The following FAM13C variants were observed in gnomAD, a reference collection of about 807,000 sequenced individuals.
The protein encoded by FAM13C is protein FAM13C.
In FAM13C, 37 loss-of-function variants were observed where a neutral mutation model predicts 73.2. The ratio of observed to expected loss-of-function variants is 0.51; its 90% CI spans 0.39 to 0.67. FAM13C has a LOEUF of 0.67. Ranked by LOEUF, FAM13C falls within the 30% of genes least tolerant of loss-of-function variation. FAM13C has a pLI of 0.00. For synonymous variants in FAM13C, 246 were observed against 260.9 expected, an observed-to-expected ratio of 0.94 and a Z score of 0.55; for missense variants, 589 against 715.6, an observed-to-expected ratio of 0.82 and a Z score of 2.02.
chr10:59,291,934 G>A (rs1048001522), intron 5 of FAM13C, among the ~76,000 whole-genome samples: 5 of 151,582 alleles, frequency 3.3e-5, no homozygotes, highest in East Asian at 3.9e-4. Flanking sequence ...GACTACAGGC[G>A]CCCACCATCA....
chr10:59,311,151 C>T (rs1848869388), intron 4 of FAM13C, among the ~76,000 whole-genome samples: 1 of 152,188 alleles, frequency 6.6e-6, no homozygotes, highest in Non-Finnish European at 1.5e-5. Flanking sequence ...GGTACCACTT[C>T]TCACTTTGGT....
intron 5 of FAM13C, among the ~76,000 whole-genome samples, chr10:59,293,954 G>C (rs1846593953): frequency 6.6e-6 from 1 of 152,216 alleles, no homozygotes. Flanking sequence ...TTTTCTAAAA[G>C]TTAGCAGGGG....
chr10:59,345,785 C>T (rs930370294), intron 3 of FAM13C, among the ~76,000 whole-genome samples: 1 of 152,204 alleles, frequency 6.6e-6, no homozygotes, highest in Non-Finnish European at 1.5e-5. Flanking sequence ...CACTTTTCTT[C>T]CTGACCAGGA....
intron 10 of FAM13C, among the ~76,000 whole-genome samples, chr10:59,259,453 G>T (rs1319516622): frequency 1.3e-5 from 2 of 152,196 alleles, no homozygotes; most frequent in South Asian, 4.1e-4. Flanking sequence ...TGAGGAGTTA[G>T]AAATAACACT....
At chr10:59,309,706 T>G (rs1848703989) in intron 4 of FAM13C, among the ~76,000 whole-genome samples, 1 of 152,240 alleles carries the variant, frequency 6.6e-6, no homozygotes, top group Non-Finnish European at 1.5e-5. Flanking sequence ...CAGGTCTCAG[T>G]TCTTAATCAT....
At position 59,246,763 on chromosome 10, in the gene FAM13C, A is replaced by C; in HGVS notation, c.*851T>G. On this transcript the variant is annotated 3_prime_UTR_variant, in exon 14 of 14. Coordinates refer to ENST00000618804, the MANE Select transcript of FAM13C (RefSeq NM_198215.4). ...TATAGATGTTGGAACATTAAGAAAA[A>C]TGTATATTCCCAATGAAAAAATAGT... The C allele has an allele frequency of 2.5e-6, 1 of 396,032 alleles. No homozygotes were observed. The highest frequency in any genetic ancestry group is 4.5e-6 in the Non-Finnish European group (1 of 224,308). The allele number at this position is 396,032 out of a possible 1,614,324, so 24.5% of individuals were successfully genotyped here.
At chr10:59,278,798 T>C (rs994011072) in intron 6 of FAM13C, among the ~76,000 whole-genome samples, 2 of 151,990 alleles carry the variant, frequency 1.3e-5, no homozygotes, top group African/African-American at 4.8e-5. Flanking sequence ...ATAAAGGCTC[T>C]AGAAGGCTTT....
chr10:59,286,989 G>A (rs1372280459), intron 5 of FAM13C, among the ~76,000 whole-genome samples: 13 of 123,768 alleles, frequency 1.1e-4, no homozygotes, highest in African/African-American at 3.9e-4. Flanking sequence ...AGCCAAGATC[G>A]CACCATTGCA....
intron 5 of FAM13C, among the ~76,000 whole-genome samples, chr10:59,294,940 C>G (rs901212631): frequency 1.2e-4 from 18 of 152,276 alleles, no homozygotes; most frequent in Admixed American, 7.8e-4. Context: ...CAGAGACCAA[C>G]ATTATGCAGC....
intron 5 of FAM13C, among the ~76,000 whole-genome samples, chr10:59,288,936 A>G (rs1489823665): frequency 6.6e-6 from 1 of 152,146 alleles, no homozygotes; most frequent in Non-Finnish European, 1.5e-5. Context: ...GTCCATGAAG[A>G]GATACTTGTT....
intron 3 of FAM13C, among the ~76,000 whole-genome samples, chr10:59,325,128 T>C (rs74153330): frequency 6.6e-6 from 1 of 152,164 alleles, no homozygotes; most frequent in Admixed American, 6.6e-5. Context: ...GCTACCATCA[T>C]ACAGGCAAAT....
intron 3 of FAM13C, among the ~76,000 whole-genome samples, chr10:59,335,127 T>C (rs2134131828): frequency 6.6e-6 from 1 of 152,298 alleles, no homozygotes; most frequent in South Asian, 2.1e-4. Flanking sequence ...ATGTCTAATT[T>C]CCCAACTAAC....
At chr10:59,299,019 TAGAA>T (rs775254844) in intron 5 of FAM13C, among the ~76,000 whole-genome samples, 7 of 152,060 alleles carry the variant, frequency 4.6e-5, no homozygotes, top group Non-Finnish European at 7.4e-5. Flanking sequence ...AAGTTTCAGT[TAGAA>T]AGGATAAATC....
At chr10:59,298,556 C>T (rs891715538) in intron 5 of FAM13C, among the ~76,000 whole-genome samples, 2 of 152,086 alleles carry the variant, frequency 1.3e-5, no homozygotes, top group African/African-American at 4.8e-5. Flanking sequence ...CCATGGTGAC[C>T]CAGAGCTTCA....
chr10:59,247,900 A>T (rs988030534), intron 13 of FAM13C, 163 bp from the exon 14 acceptor site: 5 of 619,800 alleles, frequency 8.1e-6, no homozygotes, highest in Non-Finnish European at 1.1e-5. Flanking sequence ...TCCTTCTTCC[A>T]TGTGTTACTA....
At chr10:59,323,277 T>C (rs1486983511) in intron 4 of FAM13C, 2 of 152,374 alleles carry the variant, frequency 1.3e-5, no homozygotes, top group African/African-American at 2.4e-5. Context: ...CATAGACAGC[T>C]GCAATGCCAG....
chr10:59,261,704 G>A (rs1374865219), intron 10 of FAM13C, among the ~76,000 whole-genome samples: 1 of 152,104 alleles, frequency 6.6e-6, no homozygotes, highest in Non-Finnish European at 1.5e-5. Flanking sequence ...AGCACTGAAA[G>A]TCAATCACGC....
In FAM13C at chr10:59,282,304, G is replaced by C. The variant is rs535687309; in HGVS notation, c.592+1059C>G. On this transcript the variant is annotated intron_variant, in intron 6 of 13. Transcript: ENST00000618804. The stretch of plus-strand genomic sequence containing the variant: ...ATAATGATAGTAGCTACTACTAGTA[G>C]CTATTATATGCCACCATTATTAGTA... 24 of 152,302 alleles carry C rather than the reference G, an allele frequency of 1.6e-4. No individual in the cohort carries two copies. The South Asian group carries it at 4.8e-3, about 30-fold the overall frequency. 9.4% of individuals were successfully genotyped at this position (152,302 alleles called of 1,614,324 possible). A position where few individuals can be genotyped will look rare whatever the true frequency, so the allele number is the denominator to read the frequency against.
chr10:59,250,741 G>A (rs1408311656), intron 13 of FAM13C, among the ~76,000 whole-genome samples: 2 of 152,184 alleles, frequency 1.3e-5, no homozygotes, highest in African/African-American at 2.4e-5. Context: ...GTTGAATAAT[G>A]AGTTTAATCT....
Sources: allele counts gnomAD v4.1 joint callset (sites outside exome capture counted in the v4.1 genomes callset), GRCh38; gene constraint gnomAD v4.1.1; transcripts MANE v1.5; gene names NCBI Gene and HGNC (gene_info 2026-07-23, HGNC 2026-07-21).